The following THOC1 variants were observed in gnomAD, a reference collection of about 807,000 sequenced individuals.
The protein encoded by THOC1 is THO complex subunit 1.
A neutral mutation model predicts 97.3 loss-of-function variants in THOC1; 29 were observed. The observed-to-expected ratio is 0.30, with a 90% confidence interval of 0.22 to 0.41. The LOEUF (loss-of-function observed/expected upper bound fraction) is 0.41. THOC1 is among the 10% of genes least tolerant of loss of function. The probability of loss-of-function intolerance (pLI) is 1.00; values close to 1 mark genes in which losing one functional copy is unlikely to be tolerated. For synonymous variants in THOC1, 255 were observed against 257.0 expected, an observed-to-expected ratio of 0.99 and a Z score of 0.07; for missense variants, 529 against 761.9, an observed-to-expected ratio of 0.69 and a Z score of 3.60.
chr18:217,140 T>A (rs1282968309), intron 18 of THOC1, among the ~76,000 whole-genome samples: 1 of 152,250 alleles, frequency 6.6e-6, no homozygotes, highest in Non-Finnish European at 1.5e-5. Flanking sequence ...TTATTCCATT[T>A]AAGAGTTTTG....
chr18:243,044 CAA>C (rs1567851037), intron 11 of THOC1, among the ~76,000 whole-genome samples: 2 of 152,088 alleles, frequency 1.3e-5, no homozygotes, highest in African/African-American at 4.8e-5. Flanking sequence ...AAATTTAAGA[CAA>C]AGTTGTTGCT....
At chr18:229,734 T>A (rs916704286) in intron 11 of THOC1, among the ~76,000 whole-genome samples, 1 of 152,122 alleles carries the variant, frequency 6.6e-6, no homozygotes, top group Non-Finnish European at 1.5e-5. Context: ...TTATTTGTTG[T>A]TAAATCCTGT....
In THOC1 at chr18:254,273, C is replaced by A; in HGVS notation, c.603G>T (p.Lys201Asn). 1 of 1,573,814 alleles carries A rather than the reference C, an allele frequency of 6.4e-7. No homozygotes were observed. The highest frequency in any genetic ancestry group is 8.6e-7 in the Non-Finnish European group (1 of 1,157,114). The change falls in exon 8 of 21, where the codon AAG (lysine) becomes AAT (asparagine). Residue 201 changes from lysine (K) to asparagine (N), a missense_variant and splice_region_variant. By Grantham distance (94) the Lys-to-Asn change is moderately conservative. Transcript: ENST00000261600. This position sits in a 1 kb window ranked among gnomAD's most constrained non-coding sequence, Gnocchi z 4.1. ...TNEQESTLGQ[K>N]HTEDREEGMD... The stretch of plus-strand genomic sequence containing the variant: ...TGAGAAGATTTCAAATCAGCCTCAC[C>A]TTCTGACCCAGGGTGCTTTCCTGCT...
chr18:265,501 T>G lies in THOC1; in HGVS notation c.84A>C (p.Lys28Asn). ...TKSTREALNN[K>N]NIKPLLSTFS... is the part of the protein sequence containing the mutation. ...AGGTACTTAACAATGGCTTGATGTT[T>G]TTGTTGTTCAAGGCCTCTCTGGTAG... Residue 28 changes from lysine (K) to asparagine (N), a missense_variant, in exon 2 of 21, where the codon AAA becomes AAC. Lys to Asn is a moderately conservative substitution (Grantham distance 94). Coordinates refer to ENST00000261600, the MANE Select transcript of THOC1 (RefSeq NM_005131.3). 1.9e-6 allele frequency: 3 copies of G among 1,595,518 alleles called. No homozygotes were observed. The highest frequency in any genetic ancestry group is 1.7e-6 in the Non-Finnish European group (2 of 1,170,804).
At chr18:233,487 G>A (rs922907209) in intron 11 of THOC1, among the ~76,000 whole-genome samples, 1 of 152,214 alleles carries the variant, frequency 6.6e-6, no homozygotes, top group Non-Finnish European at 1.5e-5. Flanking sequence ...TCGGGAGGCT[G>A]AGGCAAGAGA....
Position 226,786 on chromosome 18 carries a change from C to T in THOC1, c.1019+15G>A. On this transcript the variant is annotated intron_variant, in intron 12 of 20. Coordinates refer to ENST00000261600, the MANE Select transcript of THOC1 (RefSeq NM_005131.3). ...GCTACTGTTTACAAATTGTTTACTA[C>T]CCATATTATCTTACCTTTTGAATTT... 6.3e-7 allele frequency: 1 copy of T among 1,576,144 alleles called. No individual in the cohort carries two copies.
intron 9 of THOC1, among the ~76,000 whole-genome samples, chr18:248,617 GA>G (rs982734744): frequency 1.3e-5 from 2 of 152,146 alleles, no homozygotes; most frequent in Non-Finnish European, 2.9e-5. Flanking sequence ...ACCAGTATGA[GA>G]AAAACATATA....
chr18:243,185 C>T (rs1434133912), intron 11 of THOC1, among the ~76,000 whole-genome samples: 1 of 152,064 alleles, frequency 6.6e-6, no homozygotes, highest in East Asian at 1.9e-4. Flanking sequence ...TTACCTTCCT[C>T]GTGATGTGAT....
At chr18:227,006 T>C in intron 11 of THOC1, 105 bp from the exon 12 acceptor site, 1 of 900,496 alleles carries the variant, frequency 1.1e-6, no homozygotes, top group Non-Finnish European at 1.7e-6. Flanking sequence ...TCCAATTCAA[T>C]TTAAAAGCCA....
chr18:224,262 T>C, intron 15 of THOC1, 83 bp from the exon 16 acceptor site: 1 of 1,094,832 alleles, frequency 9.1e-7, no homozygotes, highest in African/African-American at 1.6e-5. Context: ...AAAGAAAATT[T>C]AGTTATTGTT....
In THOC1 at chr18:257,671, G is replaced by A. The variant is rs139333720; in HGVS notation, c.520+1509C>T. On this transcript the variant is annotated intron_variant, in intron 7 of 20. Transcript: ENST00000261600. ...GACACACAAAGAGGCAAGATACCATGAGTGAGAAACAGTCAAAACAGACAG... is the reference window on the plus strand; with the variant it reads ...GACACACAAAGAGGCAAGATACCATAAGTGAGAAACAGTCAAAACAGACAG... Among the ~76,000 whole-genome samples the A allele has an allele frequency of 5.1e-4, 78 of 152,114 alleles. 1 individual carries two copies. In the East Asian group the frequency reaches 0.012, roughly 24 times the overall value.
intron 16 of THOC1, 135 bp from the exon 17 acceptor site, chr18:223,640 T>A: frequency 1.5e-6 from 1 of 649,944 alleles, no homozygotes; most frequent in Non-Finnish European, 2.5e-6. Context: ...CTTTTCTCAA[T>A]AATTTTTGGT....
intron 17 of THOC1, 41 bp from the exon 18 acceptor site, chr18:219,010 C>A: frequency 2.3e-6 from 2 of 856,170 alleles, no homozygotes; most frequent in Non-Finnish European, 3.0e-6. Context: ...GGCATATATT[C>A]TTAATAATAA....
chr18:225,083 A>G lies in THOC1; in HGVS notation c.1137+6T>C, dbSNP rs1311748751. 1.6e-5 allele frequency: 25 copies of G among 1,573,322 alleles called. No homozygotes were observed. The highest frequency in any genetic ancestry group is 2.0e-5 in the Non-Finnish European group (23 of 1,157,292). On this transcript the variant is annotated splice_donor_region_variant and intron_variant, in intron 14 of 20. Transcript: ENST00000261600. ...AGAAGAGGATGTAAGCATAAAAAAC[A>G]CATACCTCTACCATCTTTGAAAATC... is the stretch of plus-strand genomic sequence containing the variant.
intron 4 of THOC1, chr18:260,546 T>C (rs888368674): frequency 4.1e-5 from 12 of 291,644 alleles, no homozygotes; most frequent in Middle Eastern, 1.0e-3. Context: ...ATTTACTATA[T>C]GTCAGGCACA....
intron 8 of THOC1, among the ~76,000 whole-genome samples, chr18:253,548 C>A (rs1032736726): frequency 6.6e-6 from 1 of 152,130 alleles, no homozygotes; most frequent in Admixed American, 6.5e-5. Context: ...CACAAAAAGT[C>A]CTGGTATGGT....
intron 9 of THOC1, among the ~76,000 whole-genome samples, chr18:251,248 G>C (rs1470411656): frequency 6.6e-6 from 1 of 152,176 alleles, no homozygotes. Flanking sequence ...TTGGAGTTAA[G>C]CTTGGAGCCA....
At chr18:216,875 G>T (rs182638127) in intron 18 of THOC1, among the ~76,000 whole-genome samples, 2 of 152,156 alleles carry the variant, frequency 1.3e-5, no homozygotes, top group African/African-American at 4.8e-5. Flanking sequence ...CTCATATGCA[G>T]CAAACACATT....
chr18:215,240 T>C (rs1354891035), intron 20 of THOC1, among the ~76,000 whole-genome samples, 189 bp downstream of exon 20: 1 of 152,208 alleles, frequency 6.6e-6, no homozygotes, highest in Non-Finnish European at 1.5e-5. Context: ...ACTTCCCAAT[T>C]TTATTGCATA....
Sources: gnomAD v4.1 joint callset for allele counts (sites outside exome capture counted in the v4.1 genomes callset) on GRCh38, gnomAD v4.1.1 for gene constraint, Gnocchi (gnomAD v3.1) non-coding constraint, MANE v1.5 for transcripts, NCBI Gene and HGNC (gene_info 2026-07-23, HGNC 2026-07-21) for gene names.